ANP32A: variants seen among roughly 807,000 people sequenced by gnomAD.
ANP32A encodes the protein acidic leucine-rich nuclear phosphoprotein 32 family member A.
A neutral mutation model predicts 33.9 loss-of-function variants in ANP32A; 1 was observed. The ratio of observed to expected loss-of-function variants is 0.03; its 90% CI spans 0.01 to 0.14. The LOEUF (loss-of-function observed/expected upper bound fraction) is 0.14. Ranked by LOEUF, ANP32A falls within the 10% of genes least tolerant of loss-of-function variation. ANP32A has a pLI of 1.00. For missense variants in ANP32A, 155 were observed against 306.0 expected (o/e 0.51, Z 3.68); for synonymous variants, 115 against 120.5 (o/e 0.95, Z 0.30).
At chr15:68,819,799 G>T (rs1894445554) in intron 1 of ANP32A, among the ~76,000 whole-genome samples, 1 of 152,338 alleles carries the variant, frequency 6.6e-6, no homozygotes, top group South Asian at 2.1e-4. Context: ...TGGAGGCAGG[G>T]AGACGCGGGG....
intron 1 of ANP32A, among the ~76,000 whole-genome samples, chr15:68,788,371 G>T (rs1364158962): frequency 2.2e-5 from 3 of 138,704 alleles, no homozygotes; most frequent in Non-Finnish European, 4.6e-5. Context: ...ATGCCCAGTT[G>T]CTTTCACCCA....
intron 1 of ANP32A, among the ~76,000 whole-genome samples, chr15:68,811,331 G>A (rs1386850314): frequency 2.0e-5 from 3 of 152,188 alleles, no homozygotes; most frequent in South Asian, 2.1e-4. Context: ...AGCTGGAGAA[G>A]AATCCAAAGG....
intron 1 of ANP32A, among the ~76,000 whole-genome samples, chr15:68,793,145 G>C (rs1338400440): frequency 6.6e-6 from 1 of 152,210 alleles, no homozygotes; most frequent in Admixed American, 6.5e-5. Flanking sequence ...CTAGAGGTCA[G>C]GGACTGTCCT....
At chr15:68,807,511 GGCAGGCCGA>G (rs1185126640) in intron 1 of ANP32A, among the ~76,000 whole-genome samples, 4 of 151,396 alleles carry the variant, frequency 2.6e-5, no homozygotes, top group Admixed American at 6.6e-5. Context: ...CTCCTCCTGG[GGCAGGCCGA>G]GACAGCTCTT....
rs748079337 is a variant in ANP32A, at chr15:68,780,104, C to G, written c.727G>C (p.Asp243His). 6.2e-7 allele frequency: 1 copy of G among 1,613,690 alleles called. No individual in the cohort carries two copies. Among genetic ancestry groups the G allele is most frequent in the African/African-American group, 1.3e-5 (1 of 75,000 alleles). Residue 243 changes from aspartate to histidine, a missense_variant, in exon 7 of 7, where the codon GAT (aspartate) becomes CAT (histidine). Around this residue, in one of 4 missense-constraint regions of ANP32A, gnomAD observed 63 missense variants for 82.8 expected, o/e 0.76. Coordinates refer to ENST00000465139, the MANE Select transcript of ANP32A (RefSeq NM_006305.4). The surrounding 1 kb of genome is among the most constrained non-coding windows in gnomAD (Gnocchi z 4.3). ...RGQKRKREPE[D>H]EGEDDD is the part of the protein sequence containing the mutation. ...ACTTAGTCATCATCTTCTCCCTCAT[C>G]TTCAGGTTCTCGTTTTCGCTTCTGA...
intron 1 of ANP32A, among the ~76,000 whole-genome samples, chr15:68,814,212 C>T (rs1248272770): frequency 6.6e-6 from 1 of 151,876 alleles, no homozygotes; most frequent in Non-Finnish European, 1.5e-5. Flanking sequence ...TAATTTGGAC[C>T]CAAGCTCTGG....
intron 5 of ANP32A, 145 bp downstream of exon 5, chr15:68,782,811 G>T: frequency 7.2e-7 from 1 of 1,389,392 alleles, no homozygotes; most frequent in Non-Finnish European, 9.5e-7. Context: ...CCAGTGAAAG[G>T]CTCTGAAATG....
intron 1 of ANP32A, among the ~76,000 whole-genome samples, chr15:68,797,428 A>G (rs552666062): frequency 6.6e-6 from 1 of 152,290 alleles, no homozygotes; most frequent in African/African-American, 2.4e-5. Flanking sequence ...GAGAATGAAG[A>G]CCAAGGCCTA....
intron 1 of ANP32A, among the ~76,000 whole-genome samples, chr15:68,808,206 A>G (rs1894263653): frequency 6.6e-6 from 1 of 152,194 alleles, no homozygotes; most frequent in South Asian, 2.1e-4. Flanking sequence ...ACTGTGCTTT[A>G]GAGTCCCCTT....
At position 68,780,493 on chromosome 15, in the gene ANP32A, C is replaced by A. The variant is rs763269100; in HGVS notation, c.625-20G>T. Reference sequence around the variant, plus strand: ...ATCCTCCTAGGAGAAAGGACAGACACCAGAACATTAGAAATGCCCTGCCTT... The same window carrying A: ...ATCCTCCTAGGAGAAAGGACAGACAACAGAACATTAGAAATGCCCTGCCTT... On this transcript the variant is annotated intron_variant, in intron 5 of 6. Transcript: ENST00000465139. The surrounding 1 kb of genome is among the most constrained non-coding windows in gnomAD (Gnocchi z 4.3). 2 of 1,613,732 alleles carry A rather than the reference C, an allele frequency of 1.2e-6. No homozygotes were observed. Among genetic ancestry groups the A allele is most frequent in the Admixed American group, 1.7e-5 (1 of 59,976 alleles).
chr15:68,786,350 T>A (rs1422579139), intron 3 of ANP32A, among the ~76,000 whole-genome samples: 1 of 149,444 alleles, frequency 6.7e-6, no homozygotes, highest in African/African-American at 2.5e-5. Context: ...ACCTCTGCCT[T>A]CCAGGTTCAA....
At position 68,797,479 on chromosome 15, in the gene ANP32A, G is replaced by A. The variant is rs149402404; in HGVS notation, c.55-9560C>T. Among the ~76,000 whole-genome samples, 667 of 152,196 alleles carry A rather than the reference G, an allele frequency of 4.4e-3. 2 individuals are homozygous for A. The highest frequency in any genetic ancestry group is 0.01 in the Middle Eastern group (3 of 294). ...AAATCCTGCTCAATCTTCCTAAAAC[G>A]CTGCTTTGATCACATCACATCATGT... On this transcript the variant is annotated intron_variant, in intron 1 of 6. Coordinates refer to ENST00000465139, the MANE Select transcript of ANP32A (RefSeq NM_006305.4).
rs1199405367 is a variant in ANP32A at position 68,779,690 on chromosome 15, T to G, written c.*391A>C. ...CCTCCTGGGCATTGAGTAACCAAAC[T>G]GAGACCAGCCACAGCCTTCCAACCA... is the stretch of plus-strand genomic sequence containing the variant. On this transcript the variant is annotated 3_prime_UTR_variant, in exon 7 of 7. Coordinates refer to ENST00000465139, the MANE Select transcript of ANP32A (RefSeq NM_006305.4). The G allele has an allele frequency of 5.6e-6, 1 of 178,546 alleles. No individual in the cohort carries two copies. The highest frequency in any genetic ancestry group is 1.5e-4 in the East Asian group (1 of 6,480). The allele number at this position is 178,546 out of a possible 1,614,324, so 11.1% of individuals were successfully genotyped here.
At position 68,780,539 on chromosome 15, in the gene ANP32A, C is replaced by T; in HGVS notation, c.625-66G>A. The T allele has an allele frequency of 6.2e-7, 1 of 1,601,586 alleles. No homozygotes were observed. Among genetic ancestry groups the T allele is most frequent in the Non-Finnish European group, 8.5e-7 (1 of 1,174,480 alleles). Reference sequence around the variant, plus strand: ...GCCTTGGGACATGCTGAGGAAGCCACACAGAGCACAAAAAGGCCGGGGTCA... The same window carrying T: ...GCCTTGGGACATGCTGAGGAAGCCATACAGAGCACAAAAAGGCCGGGGTCA... On this transcript the variant is annotated intron_variant, in intron 5 of 6. Coordinates refer to ENST00000465139, the MANE Select transcript of ANP32A (RefSeq NM_006305.4). The surrounding 1 kb of genome is among the most constrained non-coding windows in gnomAD (Gnocchi z 4.3).
Position 68,820,856 on chromosome 15 carries a change from C to T in ANP32A, c.-105G>A. 3.6e-6 allele frequency: 5 copies of T among 1,384,900 alleles called. No individual in the cohort carries two copies. The highest frequency in any genetic ancestry group is 5.1e-6 in the Non-Finnish European group (5 of 988,190). 85.8% of individuals were successfully genotyped at this position (1,384,900 alleles called of 1,614,324 possible). On this transcript the variant is annotated 5_prime_UTR_variant, in exon 1 of 7. Transcript: ENST00000465139. ...TAGGACTTTGAAGGCTCAACCAGCT[C>T]CGCTCGGTTCTCGAGCCCCCAGCAC...
chr15:68,794,059 C>T (rs539169475), intron 1 of ANP32A, among the ~76,000 whole-genome samples: 9 of 152,332 alleles, frequency 5.9e-5, no homozygotes, highest in African/African-American at 1.9e-4. Flanking sequence ...CCCAGCTTAC[C>T]TTTCTGAGCT....
At chr15:68,786,169 C>T (rs1567034435) in intron 3 of ANP32A, among the ~76,000 whole-genome samples, 1 of 152,014 alleles carries the variant, frequency 6.6e-6, no homozygotes, top group Non-Finnish European at 1.5e-5. Context: ...CCTATAAACC[C>T]AGAAGGGAAA....
chr15:68,783,217 G>A (rs751589018), intron 4 of ANP32A, among the ~76,000 whole-genome samples, 164 bp from the exon 5 acceptor site: 15 of 152,076 alleles, frequency 9.9e-5, no homozygotes, highest in Non-Finnish European at 1.9e-4. Context: ...AAACAGTGCT[G>A]ACATAATTAA....
At chr15:68,791,368 A>T (rs2140362562) in intron 1 of ANP32A, 1 of 152,368 alleles carries the variant, frequency 6.6e-6, no homozygotes, top group South Asian at 2.1e-4. Context: ...CTTTTGTTAT[A>T]AGTGTTGGCC....
Sources: allele counts gnomAD v4.1 joint callset (sites outside exome capture counted in the v4.1 genomes callset), GRCh38; gene constraint gnomAD v4.1.1; regional missense constraint gnomAD v4.1.1; non-coding constraint Gnocchi (gnomAD v3.1); transcripts MANE v1.5; gene names NCBI Gene and HGNC (gene_info 2026-07-23, HGNC 2026-07-21).